EVI5: variants seen among roughly 807,000 people sequenced by gnomAD.
EVI5 encodes the protein ecotropic viral integration site 5 protein homolog.
Under a neutral mutation model 112.0 loss-of-function variants are expected in EVI5, and 73 were observed. The ratio of observed to expected loss-of-function variants is 0.65; its 90% CI spans 0.54 to 0.79. The LOEUF (loss-of-function observed/expected upper bound fraction) is 0.79. Ranked by LOEUF, EVI5 falls within the 30% of genes least tolerant of loss-of-function variation. The probability of loss-of-function intolerance (pLI) is 0.00; values close to 1 mark genes in which losing one functional copy is unlikely to be tolerated. For synonymous variants in EVI5, 305 were observed against 319.9 expected, an observed-to-expected ratio of 0.95 and a Z score of 0.50; for missense variants, 900 against 968.8, an observed-to-expected ratio of 0.93 and a Z score of 0.94.
intron 19 of EVI5, among the ~76,000 whole-genome samples, chr1:92,521,324 G>T: frequency 6.6e-6 from 1 of 152,086 alleles, no homozygotes; most frequent in East Asian, 1.9e-4. Flanking sequence ...TTATGTGTAT[G>T]ATAAATGTAA....
At chr1:92,558,211 C>A (rs528848837) in intron 19 of EVI5, among the ~76,000 whole-genome samples, 1 of 152,280 alleles carries the variant, frequency 6.6e-6, no homozygotes, top group South Asian at 2.1e-4. Flanking sequence ...GCTCTCTTGA[C>A]CCTAAAGGTT....
intron 11 of EVI5, among the ~76,000 whole-genome samples, chr1:92,663,736 T>C (rs1038363361): frequency 2.0e-5 from 3 of 152,126 alleles, no homozygotes; most frequent in African/African-American, 7.2e-5. Flanking sequence ...TTTTTTTGTT[T>C]GTTTGTTTTG....
intron 2 of EVI5, among the ~76,000 whole-genome samples, chr1:92,717,486 GC>G (rs1673934391): frequency 6.6e-6 from 1 of 152,140 alleles, no homozygotes. Context: ...TTACAGACAA[GC>G]AAATGCTGAG....
chr1:92,641,196 T>TGAA (rs1659897969), intron 13 of EVI5, among the ~76,000 whole-genome samples: 1 of 147,774 alleles, frequency 6.8e-6, no homozygotes, highest in South Asian at 2.1e-4. Context: ...AAAGTAAAAT[T>TGAA]GAAAAAAAAA....
rs545205686 is a variant in EVI5, at chr1:92,652,089, A to G, written c.1392+10630T>C. Among the ~76,000 whole-genome samples the G allele has an allele frequency of 3.3e-5, 5 of 152,346 alleles. No homozygotes were observed. The East Asian group carries it at 9.6e-4, about 29-fold the overall frequency. Reference sequence around the variant, plus strand: ...TATCCACAATAGCTAAAAGGCAGAAATAACCCAAATGTCCATCAACAAACA... The same window carrying G: ...TATCCACAATAGCTAAAAGGCAGAAGTAACCCAAATGTCCATCAACAAACA... On this transcript the variant is annotated intron_variant, in intron 13 of 19. Transcript: ENST00000684568.
At chr1:92,758,235 T>A (rs1204721317) in intron 1 of EVI5, among the ~76,000 whole-genome samples, 1 of 152,172 alleles carries the variant, frequency 6.6e-6, no homozygotes, top group Non-Finnish European at 1.5e-5. Context: ...GTATTTAAAA[T>A]TTTTTAGTAT....
chr1:92,668,351 T>C (rs1396945867), intron 10 of EVI5, among the ~76,000 whole-genome samples: 1 of 152,186 alleles, frequency 6.6e-6, no homozygotes, highest in African/African-American at 2.4e-5. Flanking sequence ...TGCAGCATAG[T>C]AGTCTACACA....
chr1:92,544,458 T>C (rs1208768842), intron 19 of EVI5, among the ~76,000 whole-genome samples: 3 of 152,222 alleles, frequency 2.0e-5, no homozygotes, highest in African/African-American at 4.8e-5. Context: ...AAATAACTTT[T>C]AATATATTTA....
At chr1:92,710,255 A>G (rs1672647212) in intron 2 of EVI5, among the ~76,000 whole-genome samples, 1 of 151,796 alleles carries the variant, frequency 6.6e-6, no homozygotes, top group Admixed American at 6.6e-5. Flanking sequence ...TGGTGGAAGA[A>G]TCGCCTGAGC....
At chr1:92,738,745 T>A (rs1220744716) in intron 1 of EVI5, among the ~76,000 whole-genome samples, 1 of 152,210 alleles carries the variant, frequency 6.6e-6, no homozygotes, top group Non-Finnish European at 1.5e-5. Flanking sequence ...TAAAGTTTAA[T>A]ATTCATAGAA....
chr1:92,692,503 TA>T (rs1669653764), intron 9 of EVI5, among the ~76,000 whole-genome samples: 2 of 152,210 alleles, frequency 1.3e-5, no homozygotes, highest in South Asian at 4.1e-4. Context: ...AGTAACTTAA[TA>T]AAAGCTGAAG....
At chr1:92,527,298 C>G (rs756450886) in intron 19 of EVI5, among the ~76,000 whole-genome samples, 5 of 151,442 alleles carry the variant, frequency 3.3e-5, no homozygotes, top group Non-Finnish European at 7.4e-5. Flanking sequence ...GCCTGTACTC[C>G]TAGCTACTTG....
chr1:92,662,758 A>G lies in EVI5; in HGVS notation c.1353T>C (p.Ala451=). The stretch of plus-strand genomic sequence containing the variant: ...GCTGGAGCTTCCTGATGGTATTTTC[A>G]GCTTGCTCCAGCTTAGCACTGGCCT... ...SDEASAKLEQ[A]ENTIRKLQHQ... Residue 451 remains alanine, a synonymous_variant, in exon 13 of 20, where the codon GCT becomes GCC. Coordinates refer to ENST00000684568, the MANE Select transcript of EVI5 (RefSeq NM_001350197.2). The G allele has an allele frequency of 7.8e-7, 1 of 1,287,322 alleles. No homozygotes were observed. The highest frequency in any genetic ancestry group is 1.0e-6 in the Non-Finnish European group (1 of 987,988). The allele number at this position is 1,287,322 out of a possible 1,614,324, so 79.7% of individuals were successfully genotyped here.
At chr1:92,571,687 A>G (rs1321608697) in intron 18 of EVI5, among the ~76,000 whole-genome samples, 1 of 152,140 alleles carries the variant, frequency 6.6e-6, no homozygotes, top group Non-Finnish European at 1.5e-5. Context: ...TCAATTATCT[A>G]ATGTTTACAA....
intron 2 of EVI5, among the ~76,000 whole-genome samples, chr1:92,711,154 G>C (rs1672792721): frequency 6.6e-6 from 1 of 152,172 alleles, no homozygotes; most frequent in Non-Finnish European, 1.5e-5. Context: ...AGGGAGGAAA[G>C]GGAAAAGAAT....
At chr1:92,561,554 A>ATCTATCTATCTATCTAT (rs1557789296) in intron 19 of EVI5, among the ~76,000 whole-genome samples, 2 of 127,580 alleles carry the variant, frequency 1.6e-5, no homozygotes, top group Admixed American at 1.6e-4. Context: ...GATGAGACTG[A>ATCTATCTATCTATCTAT]CTATCTATCT....
At chr1:92,782,678 C>T (rs1429661695) in intron 1 of EVI5, among the ~76,000 whole-genome samples, 1 of 152,116 alleles carries the variant, frequency 6.6e-6, no homozygotes, top group African/African-American at 2.4e-5. Context: ...AAATGTTCAA[C>T]AATTTCTAAT....
chr1:92,641,618 C>G (rs1659982802), intron 13 of EVI5, among the ~76,000 whole-genome samples: 1 of 152,060 alleles, frequency 6.6e-6, no homozygotes, highest in South Asian at 2.1e-4. Context: ...CCGCCATATC[C>G]AAAAGCATCT....
At chr1:92,639,207 C>T (rs1659464827) in intron 13 of EVI5, among the ~76,000 whole-genome samples, 1 of 152,032 alleles carries the variant, frequency 6.6e-6, no homozygotes, top group Non-Finnish European at 1.5e-5. Context: ...TTTTAGTAAG[C>T]AGAGTCTGCT....
Sources: gnomAD v4.1 joint callset for allele counts (sites outside exome capture counted in the v4.1 genomes callset) on GRCh38, gnomAD v4.1.1 for gene constraint, MANE v1.5 for transcripts, NCBI Gene and HGNC (gene_info 2026-07-23, HGNC 2026-07-21) for gene names.